Variants in ARHGAP17 observed in about 807,000 individuals in gnomAD.
ARHGAP17 encodes the protein Rho GTPase activating protein 17.
In ARHGAP17, 57 loss-of-function variants were observed where a neutral mutation model predicts 99.5. That is an observed-to-expected ratio of 0.57 (90% confidence interval 0.46 to 0.71). The LOEUF (loss-of-function observed/expected upper bound fraction) is 0.71, where lower values mean the gene tolerates loss of function less well. Among genes scored for constraint, ARHGAP17 ranks in the 30% least tolerant of loss-of-function variants. ARHGAP17 has a pLI of 0.00. For missense variants in ARHGAP17, 1,000 were observed against 1,122.4 expected, an observed-to-expected ratio of 0.89 and a Z score of 1.56; for synonymous variants, 417 against 429.6, an observed-to-expected ratio of 0.97 and a Z score of 0.36.
chr16:24,997,910 A>C (rs916362493), intron 1 of ARHGAP17, among the ~76,000 whole-genome samples: 3 of 152,196 alleles, frequency 2.0e-5, no homozygotes, highest in Non-Finnish European at 4.4e-5. Context: ...TGAAGCACAG[A>C]AAAGACATCT....
At chr16:24,940,776 G>C (rs2051290933) in intron 16 of ARHGAP17, among the ~76,000 whole-genome samples, 1 of 152,176 alleles carries the variant, frequency 6.6e-6, no homozygotes, top group Non-Finnish European at 1.5e-5. Context: ...GGAGAGGGTG[G>C]AAGGAAGGCT....
chr16:24,983,012 T>C (rs1438637109), intron 1 of ARHGAP17, among the ~76,000 whole-genome samples: 1 of 101,174 alleles, frequency 9.9e-6, no homozygotes, highest in East Asian at 3.0e-4. Context: ...TTTTTTTTTT[T>C]TTTTTTTTTT....
intron 3 of ARHGAP17, among the ~76,000 whole-genome samples, chr16:24,974,774 T>C (rs369600876): frequency 1.2e-4 from 18 of 152,020 alleles, no homozygotes; most frequent in African/African-American, 3.9e-4. Flanking sequence ...AGAGATGCAA[T>C]GGAGATGAGC....
At chr16:24,933,723 AG>A (rs1211417253) in intron 18 of ARHGAP17, among the ~76,000 whole-genome samples, 1 of 149,462 alleles carries the variant, frequency 6.7e-6, no homozygotes, top group Non-Finnish European at 1.5e-5. Flanking sequence ...GGATGGGGAG[AG>A]GGAGCGTGGG....
At chr16:24,937,100 G>A (rs531191267) in intron 17 of ARHGAP17, among the ~76,000 whole-genome samples, 1 of 147,632 alleles carries the variant, frequency 6.8e-6, no homozygotes, top group East Asian at 2.0e-4. Flanking sequence ...GTGGGTGACA[G>A]AGCAAGACCC....
intron 1 of ARHGAP17, among the ~76,000 whole-genome samples, chr16:24,984,661 CA>C (rs879319418): frequency 0.01 from 1,326 of 129,022 alleles, 17 homozygotes; most frequent in African/African-American, 0.032. Context: ...GACTCCGTCT[CA>C]AAAAAAAAAA....
intron 12 of ARHGAP17, among the ~76,000 whole-genome samples, chr16:24,950,390 CT>C (rs1266051794): frequency 1.3e-5 from 2 of 152,142 alleles, no homozygotes; most frequent in African/African-American, 2.4e-5. Flanking sequence ...ATGTTGGATT[CT>C]ACTGAATTCT....
chr16:24,928,794 G>A (rs573685478), intron 19 of ARHGAP17, among the ~76,000 whole-genome samples: 1 of 152,208 alleles, frequency 6.6e-6, no homozygotes, highest in Non-Finnish European at 1.5e-5. Context: ...GGCAGACTTA[G>A]ATGAGCTCAC....
intron 18 of ARHGAP17, among the ~76,000 whole-genome samples, chr16:24,934,549 G>C (rs2051082911): frequency 6.6e-6 from 1 of 152,022 alleles, no homozygotes; most frequent in Non-Finnish European, 1.5e-5. Context: ...GACCTCCTGG[G>C]CTCAAGTGAT....
chr16:25,008,591 G>A (rs764057364), intron 1 of ARHGAP17, among the ~76,000 whole-genome samples: 1 of 152,132 alleles, frequency 6.6e-6, no homozygotes, highest in Non-Finnish European at 1.5e-5. Context: ...AACTGAAATA[G>A]AATGATAAAG....
rs186180863 is a variant in ARHGAP17 at position 24,974,237 on chromosome 16, C to T, written c.198+2978G>A. On this transcript the variant is annotated intron_variant, in intron 3 of 19. Transcript: ENST00000289968. Reference sequence around the variant, plus strand: ...CTTGAGGTCAGGAGTTGGAAACCAGCCTGGTCAACATGGTGAAATCCTGTC... The same window carrying T: ...CTTGAGGTCAGGAGTTGGAAACCAGTCTGGTCAACATGGTGAAATCCTGTC... 2.9e-3 allele frequency among the ~76,000 whole-genome samples: 444 copies of T among 152,316 alleles called. 7 individuals are homozygous for T. Among genetic ancestry groups the T allele is most frequent in the Non-Finnish European group, 4.0e-3 (271 of 68,030 alleles).
intron 14 of ARHGAP17, 52 bp downstream of exon 14, chr16:24,947,430 C>T (rs1020800757): frequency 2.1e-6 from 3 of 1,456,028 alleles, no homozygotes; most frequent in East Asian, 2.3e-5. Context: ...TTCTATGCAT[C>T]CCATCAGGTG....
At chr16:24,971,902 C>T (rs1486257084) in intron 3 of ARHGAP17, among the ~76,000 whole-genome samples, 2 of 152,142 alleles carry the variant, frequency 1.3e-5, no homozygotes, top group Non-Finnish European at 2.9e-5. Context: ...GCTGATGGCC[C>T]GGGCCTCTGT....
In ARHGAP17 at chr16:25,002,807, G is replaced by A. The variant is rs559583000; in HGVS notation, c.53+12402C>T. 2.2e-3 allele frequency among the ~76,000 whole-genome samples: 334 copies of A among 152,276 alleles called. 1 individual carries two copies. The highest frequency in any genetic ancestry group is 7.7e-3 in the African/African-American group (321 of 41,576). ...TAATCCCAGCACTCTGGGAGGCCAA[G>A]GCAGGTGGATCACCTGAGGTCAGGA... On this transcript the variant is annotated intron_variant, in intron 1 of 19. Transcript: ENST00000289968.
chr16:24,966,880 G>T (rs1456198124), intron 6 of ARHGAP17, among the ~76,000 whole-genome samples: 4 of 152,146 alleles, frequency 2.6e-5, no homozygotes, highest in African/African-American at 9.7e-5. Flanking sequence ...AACAAATGCA[G>T]GTCCCTCCCT....
At chr16:25,012,278 C>T (rs2053662249) in intron 1 of ARHGAP17, among the ~76,000 whole-genome samples, 1 of 152,168 alleles carries the variant, frequency 6.6e-6, no homozygotes, top group East Asian at 1.9e-4. Context: ...GACTTACCCA[C>T]CCATCGTAAA....
chr16:24,945,407 C>T (rs1237002960), intron 14 of ARHGAP17, among the ~76,000 whole-genome samples: 1 of 152,044 alleles, frequency 6.6e-6, no homozygotes, highest in Non-Finnish European at 1.5e-5. Context: ...CCTGTTTCAG[C>T]TGAGAGTCAG....
At chr16:24,963,406 T>C (rs1354424766) in intron 7 of ARHGAP17, among the ~76,000 whole-genome samples, 1 of 152,134 alleles carries the variant, frequency 6.6e-6, no homozygotes. Context: ...AAGCAAAGTA[T>C]GTCATGACCT....
At chr16:24,937,208 G>C (rs1262369453) in intron 17 of ARHGAP17, among the ~76,000 whole-genome samples, 2 of 151,430 alleles carry the variant, frequency 1.3e-5, no homozygotes, top group African/African-American at 2.4e-5. Flanking sequence ...GATCACTTGA[G>C]GTCAGGACAT....
Sources: gnomAD v4.1 joint callset for allele counts (sites outside exome capture counted in the v4.1 genomes callset) on GRCh38, gnomAD v4.1.1 for gene constraint, MANE v1.5 for transcripts, NCBI Gene and HGNC (gene_info 2026-07-23, HGNC 2026-07-21) for gene names.